TFB1M: variants seen among roughly 807,000 people sequenced by gnomAD.
TFB1M encodes transcription factor B1, mitochondrial.
Under a neutral mutation model 31.1 loss-of-function variants are expected in TFB1M, and 27 were observed. The ratio of observed to expected loss-of-function variants is 0.87; its 90% CI spans 0.64 to 1.20. The LOEUF (loss-of-function observed/expected upper bound fraction) is 1.20. TFB1M is among the 50% of genes most tolerant of loss of function. The probability of loss-of-function intolerance (pLI) is 0.00; values close to 1 mark genes in which losing one functional copy is unlikely to be tolerated. For missense variants in TFB1M, 394 were observed against 418.7 expected (o/e 0.94, Z 0.51); for synonymous variants, 166 against 151.8 (o/e 1.09, Z -0.69).
chr6:155,285,291 A>C lies in TFB1M; in HGVS notation c.547-14T>G. 6.2e-7 allele frequency: 1 copy of C among 1,613,646 alleles called. No individual in the cohort carries two copies. The highest frequency in any genetic ancestry group is 2.2e-5 in the East Asian group (1 of 44,844). On this transcript the variant is annotated splice_polypyrimidine_tract_variant and intron_variant, in intron 4 of 6. Transcript: ENST00000367166. Reference sequence around the variant, plus strand: ...GGCTGCAAGTCTCTAGAGAGAGACAAAAATGAATTTTAGCAAATAATTAGT... The same window carrying C: ...GGCTGCAAGTCTCTAGAGAGAGACACAAATGAATTTTAGCAAATAATTAGT...
chr6:155,310,760 G>T (rs1405844966), intron 2 of TFB1M: 2 of 189,410 alleles, frequency 1.1e-5, no homozygotes, highest in African/African-American at 4.8e-5. Flanking sequence ...ACGTGCATAT[G>T]TCTTACTCAT....
intron 2 of TFB1M, among the ~76,000 whole-genome samples, chr6:155,303,805 T>A (rs1777540005): frequency 6.6e-6 from 1 of 152,166 alleles, no homozygotes; most frequent in Non-Finnish European, 1.5e-5. Context: ...GCTCTTTACA[T>A]CCATTTCTAT....
intron 4 of TFB1M, among the ~76,000 whole-genome samples, chr6:155,288,700 A>G (rs1359213089): frequency 6.6e-6 from 1 of 152,254 alleles, no homozygotes; most frequent in African/African-American, 2.4e-5. Context: ...GTAGAGATGA[A>G]AACATGCGAA....
chr6:155,254,512 G>GAAA (rs779984651), downstream of TFB1M: 14 of 1,614,060 alleles, frequency 8.7e-6, no homozygotes, highest in Non-Finnish European at 1.2e-5. Flanking sequence ...TACCACTGGA[G>GAAA]AAAACGTGTA....
chr6:155,244,833 G>A, the TFB1M span: 79 of 1,541,888 alleles, frequency 5.1e-5, no homozygotes, highest in African/African-American at 8.0e-4. Context: ...GCTATGGTAC[G>A]TATTTCTCTC....
downstream of TFB1M, chr6:155,255,063 T>C (rs569545239): frequency 6.4e-6 from 1 of 156,706 alleles, no homozygotes; most frequent in African/African-American, 2.4e-5. Flanking sequence ...TTTTTGCTTC[T>C]AGTGCAGCAT....
At chr6:155,240,854 CAAGG>C in the TFB1M span, 2 of 826,006 alleles carry the variant, frequency 2.4e-6, no homozygotes, top group Non-Finnish European at 3.7e-6. Flanking sequence ...GTGAATTGCT[CAAGG>C]AAGGGAGGGG....
chr6:155,233,468 G>A, the TFB1M span, among the ~76,000 whole-genome samples: 650 of 152,236 alleles, frequency 4.3e-3, 6 homozygotes, highest in Admixed American at 0.018. Flanking sequence ...CTGCTTGATC[G>A]TCCTAAGCAG....
chr6:155,307,772 ATACAC>A (rs1049220417), intron 2 of TFB1M, among the ~76,000 whole-genome samples: 2 of 152,172 alleles, frequency 1.3e-5, no homozygotes, highest in Non-Finnish European at 2.9e-5. Context: ...CACACATAAA[ATACAC>A]TAACGATAGC....
At chr6:155,286,206 G>C (rs897778723) in intron 4 of TFB1M, among the ~76,000 whole-genome samples, 1 of 151,900 alleles carries the variant, frequency 6.6e-6, no homozygotes. Context: ...GAAAACAGTA[G>C]GTCCTTATCT....
chr6:155,273,854 T>C (rs1237446608), intron 5 of TFB1M, among the ~76,000 whole-genome samples: 1 of 152,190 alleles, frequency 6.6e-6, no homozygotes, highest in Non-Finnish European at 1.5e-5. Flanking sequence ...TGAGGTTTCT[T>C]TCAGCTCCAA....
chr6:155,255,912 A>AGAT (rs1216186550), downstream of TFB1M: 1 of 161,550 alleles, frequency 6.2e-6, no homozygotes, highest in East Asian at 1.9e-4. Context: ...CAGGAGGCTG[A>AGAT]GATGGGAGGA....
At chr6:155,240,597 C>G in the TFB1M span, 1 of 1,614,128 alleles carries the variant, frequency 6.2e-7, no homozygotes, top group South Asian at 1.1e-5. Context: ...ATGGAAGGAC[C>G]GCGGGAGAAT....
At chr6:155,309,756 C>A (rs1032566064) in intron 2 of TFB1M, among the ~76,000 whole-genome samples, 11 of 152,146 alleles carry the variant, frequency 7.2e-5, no homozygotes, top group Non-Finnish European at 1.2e-4. Context: ...TATTTAGTTT[C>A]TTTTTATAAT....
chr6:155,250,428 G>T, the TFB1M span: 1 of 806,170 alleles, frequency 1.2e-6, no homozygotes, highest in Non-Finnish European at 1.9e-6. Context: ...TGCTTCTCAA[G>T]CCAGCATGCA....
At chr6:155,267,380 T>C (rs1317760427) in intron 5 of TFB1M, among the ~76,000 whole-genome samples, 1 of 152,254 alleles carries the variant, frequency 6.6e-6, no homozygotes, top group Non-Finnish European at 1.5e-5. Flanking sequence ...CAATGTTTTA[T>C]TTGGGAAGCA....
At chr6:155,244,791 T>C in the TFB1M span, 1 of 1,600,192 alleles carries the variant, frequency 6.2e-7, no homozygotes, top group Non-Finnish European at 8.5e-7. Flanking sequence ...AGAGTAAGTA[T>C]CTCAGATTTA....
In TFB1M at chr6:155,256,957, A is replaced by G. The variant is rs547211197; in HGVS notation, c.*879T>C. On this transcript the variant is annotated 3_prime_UTR_variant, in exon 7 of 7. Transcript: ENST00000367166. ...CAACAGCACCAAGAGGGACAGAGGA[A>G]CTTTGCTCAAGGCGCAGATCCGTCA... 3.1e-4 allele frequency: 504 copies of G among 1,614,190 alleles called. 6 individuals are homozygous for G. In the South Asian group the frequency reaches 5.3e-3, roughly 17 times the overall value.
the TFB1M span, among the ~76,000 whole-genome samples, chr6:155,238,129 A>G: frequency 6.6e-6 from 1 of 152,162 alleles, no homozygotes; most frequent in South Asian, 2.1e-4. Flanking sequence ...TCTCCCAGAT[A>G]CCTTAAATCA....
Sources: gnomAD v4.1 joint callset for allele counts (sites outside exome capture counted in the v4.1 genomes callset) on GRCh38, gnomAD v4.1.1 for gene constraint, MANE v1.5 for transcripts, NCBI Gene and HGNC (gene_info 2026-07-23, HGNC 2026-07-21) for gene names.